The following SWAP70 variants were observed in gnomAD, a reference collection of about 807,000 sequenced individuals.
SWAP70 encodes switching B cell complex subunit SWAP70, also known as switch-associated protein 70.
A neutral mutation model predicts 80.2 loss-of-function variants in SWAP70; 34 were observed. The observed-to-expected ratio is 0.42, with a 90% CI of 0.32 to 0.56. The LOEUF (loss-of-function observed/expected upper bound fraction) is 0.56, where lower values mean the gene tolerates loss of function less well. SWAP70 is among the 20% of genes least tolerant of loss of function. SWAP70 has a pLI of 0.09. For missense variants in SWAP70, 578 were observed against 690.7 expected, an observed-to-expected ratio of 0.84 and a Z score of 1.83; for synonymous variants, 239 against 238.5, an observed-to-expected ratio of 1.00 and a Z score of -0.02.
intron 1 of SWAP70, among the ~76,000 whole-genome samples, chr11:9,690,053 A>G (rs1304181134): frequency 6.6e-6 from 1 of 152,216 alleles, no homozygotes; most frequent in Non-Finnish European, 1.5e-5. Flanking sequence ...TGCTACACGT[A>G]AAACTCTGTG....
intron 1 of SWAP70, among the ~76,000 whole-genome samples, chr11:9,669,081 CTGAG>C (rs1000035967): frequency 2.2e-4 from 33 of 152,126 alleles, no homozygotes; most frequent in African/African-American, 8.0e-4. Context: ...GTTAAAGATA[CTGAG>C]TGTGACAGAA....
At chr11:9,701,624 A>AC (rs931793374) in intron 2 of SWAP70, among the ~76,000 whole-genome samples, 1 of 151,220 alleles carries the variant, frequency 6.6e-6, no homozygotes, top group Admixed American at 6.6e-5. Context: ...CTGTTAAAAA[A>AC]AAAAAAATCC....
chr11:9,749,007 A>G lies in SWAP70; in HGVS notation c.1555-80A>G, dbSNP rs1851547988. The G allele has an allele frequency of 4.5e-5, 34 of 757,492 alleles. No individual in the cohort carries two copies. In the South Asian group the frequency reaches 5.0e-4, roughly 11 times the overall value. 46.9% of individuals were successfully genotyped at this position (757,492 alleles called of 1,614,324 possible). Reference sequence around the variant, plus strand: ...ATTTAATGAGATAATTCACAAATACATAGTAAGGGCCCAATAGTTGTGATT... The same window carrying G: ...ATTTAATGAGATAATTCACAAATACGTAGTAAGGGCCCAATAGTTGTGATT... On this transcript the variant is annotated intron_variant, in intron 10 of 11. Coordinates refer to ENST00000318950, the MANE Select transcript of SWAP70 (RefSeq NM_015055.4).
intron 3 of SWAP70, chr11:9,720,083 C>G (rs1415703979): frequency 1.0e-6 from 1 of 985,180 alleles, no homozygotes; most frequent in Non-Finnish European, 1.2e-6. Context: ...ATGCAGGCCA[C>G]TAGAGACTAA....
At chr11:9,675,369 GAGA>G (rs1850480703) in intron 1 of SWAP70, among the ~76,000 whole-genome samples, 2 of 42,116 alleles carry the variant, frequency 4.7e-5, no homozygotes, top group Non-Finnish European at 5.9e-5. Context: ...GAGAGAGAGA[GAGA>G]GAGAGAGAGA....
At chr11:9,685,177 C>T (rs893699353) in intron 1 of SWAP70, among the ~76,000 whole-genome samples, 14 of 151,518 alleles carry the variant, frequency 9.2e-5, no homozygotes, top group Admixed American at 7.9e-4. Context: ...GCAGTAGCAC[C>T]ATCTCGGCCT....
At chr11:9,722,529 C>T (rs1469263357) in intron 3 of SWAP70, among the ~76,000 whole-genome samples, 2 of 152,128 alleles carry the variant, frequency 1.3e-5, no homozygotes, top group Non-Finnish European at 2.9e-5. Flanking sequence ...GATTTTTGGT[C>T]CTTTGGTTGG....
At chr11:9,677,375 AAAG>A (rs150933743) in intron 1 of SWAP70, among the ~76,000 whole-genome samples, 4,731 of 152,274 alleles carry the variant, frequency 0.031, 92 homozygotes, top group Non-Finnish European at 0.045. Flanking sequence ...TGTATATTAA[AAAG>A]AAGCTTTTTT....
Position 9,728,215 on chromosome 11 carries a change from C to T in SWAP70, c.789+16C>T. ...CTGTGTAGAGGTGAGTCTACTCTTACTTCTTTGCATGATTACCCCGTGCTG... is the reference window on the plus strand; with the variant it reads ...CTGTGTAGAGGTGAGTCTACTCTTATTTCTTTGCATGATTACCCCGTGCTG... On this transcript the variant is annotated intron_variant, in intron 5 of 11. Transcript: ENST00000318950. The T allele has an allele frequency of 6.3e-7, 1 of 1,579,824 alleles. No individual in the cohort carries two copies. Among genetic ancestry groups the T allele is most frequent in the Admixed American group, 1.9e-5 (1 of 53,326 alleles).
At chr11:9,706,892 A>T (rs1015478208) in intron 2 of SWAP70, among the ~76,000 whole-genome samples, 5 of 151,528 alleles carry the variant, frequency 3.3e-5, no homozygotes, top group Non-Finnish European at 5.9e-5. Flanking sequence ...ACTTTGCAGC[A>T]TTTTTTTCCT....
intron 1 of SWAP70, among the ~76,000 whole-genome samples, chr11:9,674,443 TAA>T (rs1189306121): frequency 6.6e-6 from 1 of 152,154 alleles, no homozygotes; most frequent in South Asian, 2.1e-4. Context: ...CTCATGACTA[TAA>T]TCCCAGAACT....
intron 8 of SWAP70, among the ~76,000 whole-genome samples, chr11:9,739,636 G>A (rs183190290): frequency 2.0e-5 from 3 of 152,336 alleles, no homozygotes; most frequent in African/African-American, 7.2e-5. Context: ...AACCATTAAC[G>A]TATACAGATT....
At chr11:9,722,762 G>A (rs1851156170) in intron 3 of SWAP70, among the ~76,000 whole-genome samples, 1 of 152,172 alleles carries the variant, frequency 6.6e-6, no homozygotes, top group Non-Finnish European at 1.5e-5. Context: ...TATAATCTAT[G>A]GCAAGTGGTG....
At chr11:9,694,965 C>A (rs932440953) in intron 2 of SWAP70, among the ~76,000 whole-genome samples, 15 of 152,120 alleles carry the variant, frequency 9.9e-5, no homozygotes, top group African/African-American at 3.6e-4. Flanking sequence ...TGGGTATATA[C>A]CCAAAGGAAT....
chr11:9,744,353 A>C (rs1463616188), intron 9 of SWAP70, among the ~76,000 whole-genome samples: 1 of 151,556 alleles, frequency 6.6e-6, no homozygotes, highest in Non-Finnish European at 1.5e-5. Context: ...TGTGAGGTAC[A>C]TGAGATATTT....
At chr11:9,697,865 T>C (rs1195172467) in intron 2 of SWAP70, among the ~76,000 whole-genome samples, 1 of 152,104 alleles carries the variant, frequency 6.6e-6, no homozygotes, top group Non-Finnish European at 1.5e-5. Context: ...CCTGCAACCT[T>C]GAACTCCTAT....
At chr11:9,722,012 A>G (rs1041013029) in intron 3 of SWAP70, among the ~76,000 whole-genome samples, 1 of 152,218 alleles carries the variant, frequency 6.6e-6, no homozygotes, top group African/African-American at 2.4e-5. Context: ...AATAATAGGT[A>G]AATTTAGTTT....
rs1193549902 is a variant in SWAP70, at chr11:9,664,091, C to T, written c.-89C>T. 2.1e-5 allele frequency: 27 copies of T among 1,266,848 alleles called. No individual in the cohort carries two copies. Among genetic ancestry groups the T allele is most frequent in the Non-Finnish European group, 2.8e-5 (27 of 948,738 alleles). 78.5% of individuals were successfully genotyped at this position (1,266,848 alleles called of 1,614,324 possible). On this transcript the variant is annotated 5_prime_UTR_variant, in exon 1 of 12. Transcript: ENST00000318950. ...CCTGGCGGGTCAGGTGACTGCGCGG[C>T]GGGCTGTGGCTGCGGAGGTTGAGGG...
intron 9 of SWAP70, among the ~76,000 whole-genome samples, chr11:9,744,977 A>G (rs538808105): frequency 5.3e-5 from 8 of 152,146 alleles, no homozygotes; most frequent in Non-Finnish European, 1.2e-4. Context: ...ACTCTTACCC[A>G]CTTTGGATCT....
Sources: gnomAD v4.1 joint callset for allele counts (sites outside exome capture counted in the v4.1 genomes callset) on GRCh38, gnomAD v4.1.1 for gene constraint, MANE v1.5 for transcripts, NCBI Gene and HGNC (gene_info 2026-07-23, HGNC 2026-07-21) for gene names.